Variants in NXN observed in about 807,000 individuals in gnomAD.
The protein encoded by NXN is nucleoredoxin, also known as nucleoredoxin 1.
In NXN, 16 loss-of-function variants were observed where a neutral mutation model predicts 48.6. The observed-to-expected ratio is 0.33, with a 90% CI of 0.22 to 0.50. The LOEUF is 0.50. Ranked by LOEUF, NXN falls within the 20% of genes least tolerant of loss-of-function variation. The pLI is 0.98. For synonymous variants in NXN, 281 were observed against 269.6 expected (o/e 1.04, Z -0.41); for missense variants, 492 against 605.5 (o/e 0.81, Z 1.97).
chr17:802,253 C>G (rs1376214797), intron 7 of NXN, among the ~76,000 whole-genome samples: 3 of 152,126 alleles, frequency 2.0e-5, no homozygotes, highest in African/African-American at 7.2e-5. Context: ...TCCTGAGTAG[C>G]TGGGACTCTA....
chr17:938,597 C>T (rs1301741786), intron 1 of NXN, among the ~76,000 whole-genome samples: 1 of 151,940 alleles, frequency 6.6e-6, no homozygotes, highest in African/African-American at 2.4e-5. Flanking sequence ...GCAGGAGAAT[C>T]ACTTGAACCT....
intron 1 of NXN, chr17:910,908 G>A (rs2068629841): frequency 6.6e-6 from 1 of 152,198 alleles, no homozygotes; most frequent in African/African-American, 2.4e-5. Context: ...CTCCCCGCGA[G>A]AAGGCTTGGG....
At chr17:899,167 AG>A (rs2068514582) in intron 1 of NXN, among the ~76,000 whole-genome samples, 1 of 152,166 alleles carries the variant, frequency 6.6e-6, no homozygotes, top group African/African-American at 2.4e-5. Context: ...CATGTTGGTC[AG>A]GCTCGTCTTG....
chr17:877,005 A>G (rs2068223801), intron 1 of NXN, among the ~76,000 whole-genome samples: 1 of 151,046 alleles, frequency 6.6e-6, no homozygotes, highest in Non-Finnish European at 1.5e-5. Flanking sequence ...ACTTAAACCC[A>G]GTAGGCAGAG....
rs918677187 is a variant in NXN at position 958,640 on chromosome 17, G to T, written c.360+20679C>A. On this transcript the variant is annotated intron_variant, in intron 1 of 7. Coordinates refer to ENST00000336868, the MANE Select transcript of NXN (RefSeq NM_022463.5). This position sits in a 1 kb window ranked among gnomAD's most constrained non-coding sequence, Gnocchi z 6.9. The stretch of plus-strand genomic sequence containing the variant: ...ACAAAAATTAGCCAGGCGTGGTGGC[G>T]TGCGCCTGTAGTCCCAGCTACTCAG... Among the ~76,000 whole-genome samples, 3 of 152,158 alleles carry T rather than the reference G, an allele frequency of 2.0e-5. No homozygotes were observed. Among genetic ancestry groups the T allele is most frequent in the South Asian group, 2.1e-4 (1 of 4,828 alleles).
chr17:963,625 AT>A (rs944291331), intron 1 of NXN, among the ~76,000 whole-genome samples: 43 of 149,534 alleles, frequency 2.9e-4, no homozygotes, highest in Admixed American at 4.7e-4. Flanking sequence ...CAAAAAGGAA[AT>A]TTTTTTTTTT....
At position 893,262 on chromosome 17, in the gene NXN, C is replaced by T. The variant is rs111701703; in HGVS notation, c.361-67184G>A. Among the ~76,000 whole-genome samples, 528 of 152,218 alleles carry T rather than the reference C, an allele frequency of 3.5e-3. 3 individuals carry two copies. Among genetic ancestry groups the T allele is most frequent in the African/African-American group, 0.012 (510 of 41,536 alleles). On this transcript the variant is annotated intron_variant, in intron 1 of 7. Coordinates refer to ENST00000336868, the MANE Select transcript of NXN (RefSeq NM_022463.5). ...CTGGAAAAGGTGAGCTTTCTGAGTG[C>T]GCATGGGTTGTGGACACTCCTCTGG...
intron 1 of NXN, among the ~76,000 whole-genome samples, chr17:869,997 A>G (rs1053258553): frequency 6.6e-6 from 1 of 152,102 alleles, no homozygotes; most frequent in Non-Finnish European, 1.5e-5. Flanking sequence ...TGTGCTTCCC[A>G]CGGGCCATTT....
At position 963,207 on chromosome 17, in the gene NXN, TGGGACG is replaced by T. The variant is rs374195508; in HGVS notation, c.360+16106_360+16111del. On this transcript the variant is annotated intron_variant, in intron 1 of 7. Transcript: ENST00000336868. ...TAAAAAAAAAAAAAGGTATAGGTACTGGGACGGACACACACACACACACACACACAC... is the reference window on the plus strand; with the variant it reads ...TAAAAAAAAAAAAAGGTATAGGTACTGACACACACACACACACACACACAC... 3.2e-5 allele frequency among the ~76,000 whole-genome samples: 4 copies of T among 126,918 alleles called. No homozygotes were observed. The East Asian group carries it at 6.1e-4, about 19-fold the overall frequency. 83.3% of individuals were successfully genotyped at this position (126,918 alleles called of 152,430 possible).
chr17:951,764 C>T (rs1450519269), intron 1 of NXN, among the ~76,000 whole-genome samples: 2 of 152,172 alleles, frequency 1.3e-5, no homozygotes, highest in Non-Finnish European at 2.9e-5. Context: ...CCCAGAGGGG[C>T]GGGCAGCAGG....
intron 5 of NXN, among the ~76,000 whole-genome samples, chr17:812,892 G>A (rs560508846): frequency 1.4e-5 from 2 of 147,114 alleles, no homozygotes; most frequent in African/African-American, 2.6e-5. Flanking sequence ...ACATGTGAAT[G>A]TAGGTGTGTG....
intron 1 of NXN, among the ~76,000 whole-genome samples, chr17:892,750 A>C (rs2144873269): frequency 6.6e-6 from 1 of 152,382 alleles, no homozygotes; most frequent in South Asian, 2.1e-4. Flanking sequence ...CCAGAAGCCC[A>C]GGAGACTTTG....
intron 1 of NXN, among the ~76,000 whole-genome samples, chr17:968,959 AAAAGAAAAGAAAAG>A: frequency 6.6e-6 from 1 of 152,050 alleles, no homozygotes. Flanking sequence ...GAAAGAAAGA[AAAAGAAAAGAAAAG>A]AAAGAAAAGA....
chr17:927,660 G>A (rs1202909637), intron 1 of NXN, among the ~76,000 whole-genome samples: 1 of 151,540 alleles, frequency 6.6e-6, no homozygotes, highest in Non-Finnish European at 1.5e-5. Flanking sequence ...GTGGGAGATG[G>A]CCCACGTAAC....
rs2068742098 is a variant in NXN at position 920,761 on chromosome 17, T to C, written c.360+58558A>G. Among the ~76,000 whole-genome samples, 1 of 151,788 alleles carries C rather than the reference T, an allele frequency of 6.6e-6. No homozygotes were observed. Among genetic ancestry groups the C allele is most frequent in the South Asian group, 2.1e-4 (1 of 4,778 alleles). ...CCTTTGAAACAGAGTCTCGCCCTGTTGCCCAGGCTGGAGTGCAGTGGTGGG... is the reference window on the plus strand; with the variant it reads ...CCTTTGAAACAGAGTCTCGCCCTGTCGCCCAGGCTGGAGTGCAGTGGTGGG... On this transcript the variant is annotated intron_variant, in intron 1 of 7. Coordinates refer to ENST00000336868, the MANE Select transcript of NXN (RefSeq NM_022463.5). The surrounding 1 kb of genome is among the most constrained non-coding windows in gnomAD (Gnocchi z 4.6).
chr17:891,033 GTCTGTCTA>G (rs370976821), intron 1 of NXN, among the ~76,000 whole-genome samples: 1,521 of 151,956 alleles, frequency 0.01, 24 homozygotes, highest in African/African-American at 0.033. Flanking sequence ...CTGTCTGTCT[GTCTGTCTA>G]TCTATCTATC....
At chr17:804,104 A>C (rs969688317) in intron 6 of NXN, 5 of 300,764 alleles carry the variant, frequency 1.7e-5, no homozygotes, top group Admixed American at 9.0e-5. Context: ...TTCCTCACAA[A>C]CCCGCCTGGG....
intron 1 of NXN, among the ~76,000 whole-genome samples, chr17:964,341 G>GA (rs1304964399): frequency 4.6e-5 from 7 of 152,086 alleles, no homozygotes; most frequent in Non-Finnish European, 1.0e-4. Flanking sequence ...GAGGATCTCA[G>GA]AAAAAATGTC....
intron 5 of NXN, among the ~76,000 whole-genome samples, chr17:806,937 C>T (rs925147522): frequency 2.4e-4 from 36 of 150,424 alleles, no homozygotes; most frequent in African/African-American, 8.5e-4. Flanking sequence ...CACACACACA[C>T]ACACACACAC....
Sources: gnomAD v4.1 joint callset for allele counts (sites outside exome capture counted in the v4.1 genomes callset) on GRCh38, gnomAD v4.1.1 for gene constraint, Gnocchi (gnomAD v3.1) non-coding constraint, MANE v1.5 for transcripts, NCBI Gene and HGNC (gene_info 2026-07-23, HGNC 2026-07-21) for gene names.